KCTD5: variants seen among roughly 807,000 people sequenced by gnomAD.
The protein encoded by KCTD5 is potassium channel tetramerization domain containing 5.
KCTD5 carries 12 observed loss-of-function variants against 27.9 expected under a neutral mutation model. The observed-to-expected ratio is 0.43, with a 90% CI of 0.28 to 0.70. The LOEUF (loss-of-function observed/expected upper bound fraction) is 0.70. KCTD5 is among the 30% of genes least tolerant of loss of function. KCTD5 has a pLI of 0.19. For missense variants in KCTD5, 226 were observed against 274.8 expected (o/e 0.82, Z 1.26); for synonymous variants, 147 against 121.4 (o/e 1.21, Z -1.39).
At position 2,707,520 on chromosome 16, in the gene KCTD5, C is replaced by G; in HGVS notation, c.*193C>G. ...CCAGCTGTCCAAGGCCAGACGTCCCCAAGTTGGGGGAGCACGGCGGCCGGG... is the reference window on the plus strand; with the variant it reads ...CCAGCTGTCCAAGGCCAGACGTCCCGAAGTTGGGGGAGCACGGCGGCCGGG... On this transcript the variant is annotated 3_prime_UTR_variant, in exon 6 of 6. Transcript: ENST00000301738. 1.4e-6 allele frequency: 1 copy of G among 706,010 alleles called. No individual in the cohort carries two copies. The highest frequency in any genetic ancestry group is 1.5e-5 in the South Asian group (1 of 66,330). The allele number at this position is 706,010 out of a possible 1,614,324, so 43.7% of individuals were successfully genotyped here.
At chr16:2,703,260 C>T (rs181471808) in intron 5 of KCTD5, among the ~76,000 whole-genome samples, 18 of 152,266 alleles carry the variant, frequency 1.2e-4, no homozygotes, top group Non-Finnish European at 2.6e-4. Flanking sequence ...AGAATCTGAC[C>T]TTGGCCTGGG....
chr16:2,687,120 C>G (rs1277078727), intron 1 of KCTD5, among the ~76,000 whole-genome samples: 1 of 152,222 alleles, frequency 6.6e-6, no homozygotes, highest in Admixed American at 6.5e-5. Flanking sequence ...GGTGCTGGTC[C>G]TCAGCAAACC....
intron 1 of KCTD5, chr16:2,683,460 C>T (rs2067527460): frequency 6.6e-6 from 1 of 152,148 alleles, no homozygotes; most frequent in African/African-American, 2.4e-5. Flanking sequence ...GGTAAGGAAT[C>T]TTTCAATCTG....
Position 2,682,574 on chromosome 16 carries a change from T to G in KCTD5, c.26T>G (p.Leu9Arg). MAENHCELLSPARGGIGAG... is the reference protein window; with the variant it reads MAENHCELRSPARGGIGAG... Reference sequence around the variant, plus strand: ...ATGGCGGAGAATCACTGCGAGCTCCTGTCGCCGGCCCGGGGCGGCATCGGG... The same window carrying G: ...ATGGCGGAGAATCACTGCGAGCTCCGGTCGCCGGCCCGGGGCGGCATCGGG... Residue 9 changes from leucine to arginine, a missense_variant, in exon 1 of 6, where the codon CTG (leucine) becomes CGG (arginine). Coordinates refer to ENST00000301738, the MANE Select transcript of KCTD5 (RefSeq NM_018992.4). The G allele has an allele frequency of 7.1e-6, 10 of 1,415,660 alleles. No individual in the cohort carries two copies. The highest frequency in any genetic ancestry group is 9.2e-6 in the Non-Finnish European group (10 of 1,088,932). The allele number at this position is 1,415,660 out of a possible 1,614,324, so 87.7% of individuals were successfully genotyped here. A position where few individuals can be genotyped will look rare whatever the true frequency, so the allele number is the denominator to read the frequency against.
intron 5 of KCTD5, among the ~76,000 whole-genome samples, chr16:2,706,172 G>A (rs1229860673): frequency 3.9e-5 from 6 of 152,186 alleles, no homozygotes; most frequent in East Asian, 1.9e-4. Flanking sequence ...GGGGGCACCC[G>A]CCTGGGAACG....
At chr16:2,688,243 A>ATATATATATTTATT (rs1282831421) in intron 1 of KCTD5, among the ~76,000 whole-genome samples, 80 of 64,236 alleles carry the variant, frequency 1.2e-3, no homozygotes, top group African/African-American at 3.9e-3. Context: ...ATATATATAT[A>ATATATATATTTATT]TATTTATTTA....
At chr16:2,698,823 T>C (rs911382409) in intron 3 of KCTD5, among the ~76,000 whole-genome samples, 2 of 152,192 alleles carry the variant, frequency 1.3e-5, no homozygotes, top group Admixed American at 1.3e-4. Context: ...GCTCCTTGTC[T>C]GTGGGGCAGG....
intron 1 of KCTD5, chr16:2,683,346 C>T (rs2067526946): frequency 6.6e-6 from 1 of 152,508 alleles, no homozygotes; most frequent in African/African-American, 2.4e-5. Flanking sequence ...ACGCAGCACC[C>T]ACTCAGCACC....
Position 2,682,700 on chromosome 16 carries a change from G to C in KCTD5, c.152G>C (p.Gly51Ala). 1 of 1,609,984 alleles carries C rather than the reference G, an allele frequency of 6.2e-7. No homozygotes were observed. Among genetic ancestry groups the C allele is most frequent in the East Asian group, 2.3e-5 (1 of 44,416 alleles). ...TCCAAGTGGGTCCGACTCAACGTCGGCGGCACCTACTTCCTCACCACTCGG... is the reference window on the plus strand; with the variant it reads ...TCCAAGTGGGTCCGACTCAACGTCGCCGGCACCTACTTCCTCACCACTCGG... ...SVSKWVRLNV[G>A]GTYFLTTRQT... The change falls in exon 1 of 6, where the codon GGC (glycine) becomes GCC (alanine). Residue 51 changes from glycine (G) to alanine (A), a missense_variant. Coordinates refer to ENST00000301738, the MANE Select transcript of KCTD5 (RefSeq NM_018992.4).
chr16:2,686,948 G>A (rs760706263), intron 1 of KCTD5, among the ~76,000 whole-genome samples: 33 of 152,330 alleles, frequency 2.2e-4, no homozygotes, highest in African/African-American at 7.2e-4. Context: ...GTTTGAGGCC[G>A]TTAGTGGGTG....
At chr16:2,682,993 A>T in intron 1 of KCTD5, 193 bp downstream of exon 1, 1 of 593,912 alleles carries the variant, frequency 1.7e-6, no homozygotes, top group Non-Finnish European at 2.7e-6. Flanking sequence ...GAGGGTGAGG[A>T]TGGCGCCCTG....
At position 2,708,513 on chromosome 16, in the gene KCTD5, C is replaced by G. The variant is rs2067647752; in HGVS notation, c.*1186C>G. The G allele has an allele frequency of 6.6e-6, 1 of 152,298 alleles. No individual in the cohort carries two copies. Among genetic ancestry groups the G allele is most frequent in the Non-Finnish European group, 1.5e-5 (1 of 68,076 alleles). The allele number at this position is 152,298 out of a possible 1,614,324, so 9.4% of individuals were successfully genotyped here. A position where few individuals can be genotyped will look rare whatever the true frequency, so the allele number is the denominator to read the frequency against. On this transcript the variant is annotated 3_prime_UTR_variant, in exon 6 of 6. Transcript: ENST00000301738. ...GCTTTGCTTCCGGAACTCCGGCTTC[C>G]CAAGGGGTACTGTGCAGACTGACCA...
intron 1 of KCTD5, among the ~76,000 whole-genome samples, chr16:2,687,174 A>T (rs1249041396): frequency 6.6e-6 from 1 of 152,160 alleles, no homozygotes; most frequent in African/African-American, 2.4e-5. Flanking sequence ...AGCCCTTTAG[A>T]CCTTAGGCCA....
chr16:2,687,644 C>T (rs970865114), intron 1 of KCTD5, among the ~76,000 whole-genome samples: 26 of 152,288 alleles, frequency 1.7e-4, no homozygotes, highest in Middle Eastern at 3.4e-3. Context: ...GTGATGGGGG[C>T]GCCTGCTGCC....
intron 1 of KCTD5, among the ~76,000 whole-genome samples, chr16:2,690,629 G>A (rs1303650431): frequency 1.3e-5 from 2 of 152,192 alleles, no homozygotes; most frequent in African/African-American, 4.8e-5. Flanking sequence ...GCACCCCCAC[G>A]CCCAGCCCGC....
intron 5 of KCTD5, 66 bp from the exon 6 acceptor site, chr16:2,707,232 G>A: frequency 2.0e-6 from 3 of 1,506,824 alleles, no homozygotes; most frequent in Non-Finnish European, 2.7e-6. Flanking sequence ...GTTTTCTGGA[G>A]CAGGCGCCTG....
intron 4 of KCTD5, among the ~76,000 whole-genome samples, chr16:2,701,356 G>A (rs1367601661): frequency 6.6e-6 from 1 of 152,196 alleles, no homozygotes; most frequent in African/African-American, 2.4e-5. Context: ...TGTGGGGTGG[G>A]ACCCTGCGGG....
intron 1 of KCTD5, among the ~76,000 whole-genome samples, chr16:2,692,669 C>T (rs1277563426): frequency 4.6e-5 from 7 of 152,234 alleles, no homozygotes; most frequent in Non-Finnish European, 1.0e-4. Flanking sequence ...ACTGGCAGCC[C>T]GGCCCCAGCC....
At chr16:2,705,487 G>A (rs774639282) in intron 5 of KCTD5, among the ~76,000 whole-genome samples, 23 of 152,242 alleles carry the variant, frequency 1.5e-4, no homozygotes, top group Non-Finnish European at 2.4e-4. Context: ...AGTGCCACTC[G>A]TGCCGCCAGC....
Sources: allele counts gnomAD v4.1 joint callset (sites outside exome capture counted in the v4.1 genomes callset), GRCh38; gene constraint gnomAD v4.1.1; transcripts MANE v1.5; gene names NCBI Gene and HGNC (gene_info 2026-07-23, HGNC 2026-07-21).